The following MFHAS1 variants were observed in gnomAD, a reference collection of about 807,000 sequenced individuals.
The protein encoded by MFHAS1 is multifunctional ROCO family signaling regulator 1.
In MFHAS1, 50 loss-of-function variants were observed where a neutral mutation model predicts 70.4. That is an observed-to-expected ratio of 0.71 (90% confidence interval 0.57 to 0.90). The LOEUF is 0.90. Among genes scored for constraint, MFHAS1 ranks in the 40% least tolerant of loss-of-function variants. The probability of loss-of-function intolerance (pLI) is 0.00; values close to 1 mark genes in which losing one functional copy is unlikely to be tolerated. For synonymous variants in MFHAS1, 952 were observed against 620.0 expected (o/e 1.54, Z -7.96); for missense variants, 1,795 against 1,347.6 (o/e 1.33, Z -5.20).
intron 1 of MFHAS1, among the ~76,000 whole-genome samples, chr8:8,854,418 G>A (rs560355306): frequency 1.3e-5 from 2 of 152,146 alleles, no homozygotes; most frequent in South Asian, 4.1e-4. Context: ...CTACTCCGGA[G>A]GCTGAGGCAG....
intron 1 of MFHAS1, among the ~76,000 whole-genome samples, chr8:8,881,831 A>AG (rs1352541276): frequency 1.1e-4 from 16 of 151,600 alleles, no homozygotes; most frequent in South Asian, 1.0e-3. Context: ...AAAAAAAAAA[A>AG]AAAGAAAGCA....
intron 1 of MFHAS1, among the ~76,000 whole-genome samples, chr8:8,857,766 A>T (rs1808499302): frequency 6.6e-6 from 1 of 151,818 alleles, no homozygotes; most frequent in South Asian, 2.1e-4. Flanking sequence ...TCTCAAAAAA[A>T]AAACAAAAAA....
chr8:8,820,822 G>A (rs910043377), intron 1 of MFHAS1, among the ~76,000 whole-genome samples: 1 of 152,182 alleles, frequency 6.6e-6, no homozygotes, highest in South Asian at 2.1e-4. Context: ...ATGATTCCAG[G>A]CCAAAGCTGT....
In MFHAS1 at chr8:8,890,354, A is replaced by T; in HGVS notation, c.2705T>A (p.Ile902Asn). Residue 902 changes from isoleucine to asparagine, a missense_variant, in exon 1 of 3, where the codon ATC becomes AAC. Ile to Asn is a moderately radical substitution (Grantham distance 149). Transcript: ENST00000276282. ...LGLFARYSVQ[I>N]NSHVVHRSDG... is the part of the protein sequence containing the mutation. ...CGACCTGTGCACCACATGGCTGTTG[A>T]TCTGGACACTGTAGCGTGCAAACAA... The T allele has an allele frequency of 6.2e-7, 1 of 1,614,200 alleles. No homozygotes were observed. Among genetic ancestry groups the T allele is most frequent in the Non-Finnish European group, 8.5e-7 (1 of 1,180,040 alleles).
At chr8:8,809,808 T>A (rs954818155) in intron 1 of MFHAS1, among the ~76,000 whole-genome samples, 1 of 152,194 alleles carries the variant, frequency 6.6e-6, no homozygotes, top group African/African-American at 2.4e-5. Context: ...AGTGCTGCAC[T>A]GAAGTGCTTT....
chr8:8,877,394 G>A (rs868109105), intron 1 of MFHAS1, among the ~76,000 whole-genome samples: 1 of 147,376 alleles, frequency 6.8e-6, no homozygotes, highest in Non-Finnish European at 1.5e-5. Context: ...ACACAAAAAA[G>A]CATAAAGTAA....
intron 1 of MFHAS1, among the ~76,000 whole-genome samples, chr8:8,801,354 C>T (rs929829029): frequency 6.6e-6 from 1 of 152,164 alleles, no homozygotes; most frequent in Non-Finnish European, 1.5e-5. Context: ...GCAGGACTGC[C>T]ATCCATGGAA....
chr8:8,846,272 GA>G lies in MFHAS1; in HGVS notation c.2998+43788del, dbSNP rs1331149385. Among the ~76,000 whole-genome samples, 198 of 41,580 alleles carry G rather than the reference GA, an allele frequency of 4.8e-3. 2 individuals are homozygous for G. The highest frequency in any genetic ancestry group is 0.029 in the East Asian group (10 of 340). The allele number at this position is 41,580 out of a possible 152,430, so 27.3% of individuals were successfully genotyped here. On this transcript the variant is annotated intron_variant, in intron 1 of 2. Coordinates refer to ENST00000276282, the MANE Select transcript of MFHAS1 (RefSeq NM_004225.3). ...TGTCTCCAAAAAAAAGGGGGGGGGG[GA>G]AGGAGGAGGAGGGGGAGGAGGATAA...
chr8:8,794,136 G>A (rs1263027344), intron 2 of MFHAS1, among the ~76,000 whole-genome samples: 1 of 151,982 alleles, frequency 6.6e-6, no homozygotes, highest in Non-Finnish European at 1.5e-5. Context: ...TTTGCAATGA[G>A]CTGAGATCGC....
chr8:8,875,088 C>A (rs956818445), intron 1 of MFHAS1, among the ~76,000 whole-genome samples: 1 of 152,088 alleles, frequency 6.6e-6, no homozygotes, highest in Non-Finnish European at 1.5e-5. Flanking sequence ...AGATGATACC[C>A]AATGTTGAGG....
At chr8:8,861,555 CTT>C (rs1192920480) in intron 1 of MFHAS1, among the ~76,000 whole-genome samples, 2 of 152,138 alleles carry the variant, frequency 1.3e-5, no homozygotes, top group African/African-American at 2.4e-5. Context: ...ATAATCAAAA[CTT>C]ATTTTTTAAA....
chr8:8,852,746 G>C (rs1303817763), intron 1 of MFHAS1, among the ~76,000 whole-genome samples: 1 of 152,080 alleles, frequency 6.6e-6, no homozygotes, highest in Admixed American at 6.5e-5. Context: ...TTCCCTAATA[G>C]GGCACAGCCA....
At chr8:8,843,570 G>A (rs1807920617) in intron 1 of MFHAS1, among the ~76,000 whole-genome samples, 1 of 152,202 alleles carries the variant, frequency 6.6e-6, no homozygotes, top group Non-Finnish European at 1.5e-5. Flanking sequence ...TAAAGAGTGG[G>A]ACTCCGTTTC....
chr8:8,838,574 A>T (rs1422956495), intron 1 of MFHAS1, among the ~76,000 whole-genome samples: 1 of 152,154 alleles, frequency 6.6e-6, no homozygotes, highest in Non-Finnish European at 1.5e-5. Context: ...GCACTTTGGG[A>T]GGCAGAGGCG....
intron 1 of MFHAS1, among the ~76,000 whole-genome samples, chr8:8,860,406 C>T (rs961714186): frequency 6.6e-6 from 1 of 152,236 alleles, no homozygotes; most frequent in Non-Finnish European, 1.5e-5. Context: ...GGAGAAAATA[C>T]GCCAGTTAGG....
chr8:8,792,963 G>C lies in MFHAS1; in HGVS notation c.3125+4402C>G, dbSNP rs559813164. Among the ~76,000 whole-genome samples, 9 of 152,254 alleles carry C rather than the reference G, an allele frequency of 5.9e-5. No individual in the cohort carries two copies. The South Asian group carries it at 1.9e-3, about 32-fold the overall frequency. ...CAGATATCCTTGAAAATCATCTCAA[G>C]ATATTCAAAGCATGGAAATGACTCA... On this transcript the variant is annotated intron_variant, in intron 2 of 2. Coordinates refer to ENST00000276282, the MANE Select transcript of MFHAS1 (RefSeq NM_004225.3).
Position 8,890,900 on chromosome 8 carries a change from G to C in MFHAS1, c.2159C>G (p.Pro720Arg). ...GTGGAAGACGTGCTCCTTGAGAGCCGGACTGTCCTCAAAGTAGAGTAGCTT... is the reference window on the plus strand; with the variant it reads ...GTGGAAGACGTGCTCCTTGAGAGCCCGACTGTCCTCAAAGTAGAGTAGCTT... ...SGKLLYFEDS[P>R]ALKEHVFHNL... The change falls in exon 1 of 3, where the codon CCG (proline) becomes CGG (arginine). Residue 720 changes from proline to arginine, a missense_variant. Coordinates refer to ENST00000276282, the MANE Select transcript of MFHAS1 (RefSeq NM_004225.3). 6.2e-7 allele frequency: 1 copy of C among 1,614,072 alleles called. No homozygotes were observed. Among genetic ancestry groups the C allele is most frequent in the Non-Finnish European group, 8.5e-7 (1 of 1,180,018 alleles).
intron 1 of MFHAS1, among the ~76,000 whole-genome samples, chr8:8,889,404 C>T (rs565343861): frequency 3.8e-4 from 58 of 152,270 alleles, no homozygotes; most frequent in African/African-American, 1.3e-3. Context: ...ATTGTTCACT[C>T]CAATTACAAA....
chr8:8,830,273 C>T (rs1807334863), intron 1 of MFHAS1, among the ~76,000 whole-genome samples: 1 of 152,170 alleles, frequency 6.6e-6, no homozygotes, highest in Non-Finnish European at 1.5e-5. Flanking sequence ...CTAAAATAAA[C>T]TAGAGTCTGG....
Sources: gnomAD v4.1 joint callset for allele counts (sites outside exome capture counted in the v4.1 genomes callset) on GRCh38, gnomAD v4.1.1 for gene constraint, MANE v1.5 for transcripts, NCBI Gene and HGNC (gene_info 2026-07-23, HGNC 2026-07-21) for gene names.